Variants in TENM1 observed in about 807,000 individuals in gnomAD.
TENM1 encodes the protein teneurin transmembrane protein 1.
Under a neutral mutation model 174.8 loss-of-function variants are expected in TENM1, and 35 were observed. The observed-to-expected ratio is 0.20, with a 90% CI of 0.15 to 0.27. TENM1 has a LOEUF of 0.27. TENM1 is among the 10% of genes least tolerant of loss of function. The pLI is 1.00. For missense variants in TENM1, 1,633 were observed against 2,130.1 expected (o/e 0.77, Z 4.59); for synonymous variants, 781 against 798.7 (o/e 0.98, Z 0.37).
At chrX:124,952,428 T>C (rs757767010) in intron 1 of TENM1, among the ~76,000 whole-genome samples, 47 of 110,143 alleles carry the variant, frequency 4.3e-4, no homozygotes, top group Non-Finnish European at 6.5e-4. Context: ...ATATAAAACA[T>C]ACAATAAAAT....
chrX:125,191,407 A>G, the TENM1 span, among the ~76,000 whole-genome samples: 1 of 112,128 alleles, frequency 8.9e-6, no homozygotes, highest in Admixed American at 9.5e-5. Flanking sequence ...AAAAGTGGAT[A>G]AGATAAAAAT....
intron 3 of TENM1, among the ~76,000 whole-genome samples, chrX:124,764,339 AAAGGAATCTGAATAGGTAAGC>A (rs1408987957): frequency 9.0e-6 from 1 of 111,624 alleles, no homozygotes; most frequent in African/African-American, 3.3e-5. Flanking sequence ...CACTGAGGAG[AAAGGAATCTGAATAGGTAAGC>A]AAGGAAGCCA....
intron 21 of TENM1, among the ~76,000 whole-genome samples, chrX:124,484,874 C>T (rs763663182): frequency 4.5e-5 from 5 of 111,364 alleles, no homozygotes; most frequent in African/African-American, 1.3e-4. Flanking sequence ...TCTCCAACTA[C>T]ACTGTGAGCT....
the TENM1 span, among the ~76,000 whole-genome samples, chrX:125,119,047 T>C: frequency 9.0e-6 from 1 of 111,429 alleles, no homozygotes; most frequent in Admixed American, 9.6e-5. Context: ...CTCATCAGTG[T>C]ATGCACTTAA....
chrX:125,194,771 G>T, the TENM1 span, among the ~76,000 whole-genome samples: 1 of 111,562 alleles, frequency 9.0e-6, no homozygotes, highest in African/African-American at 3.3e-5. Context: ...GTCCTAGATT[G>T]GTATTCCCCA....
intron 6 of TENM1, among the ~76,000 whole-genome samples, chrX:124,662,188 C>T (rs1305747065): frequency 9.0e-6 from 1 of 111,096 alleles, no homozygotes; most frequent in Non-Finnish European, 1.9e-5. Flanking sequence ...CTCGCAGTGG[C>T]TCACGCCTGT....
At position 124,908,656 on chromosome X, in the gene TENM1, TTAAAG is replaced by T. The variant is rs753905121; in HGVS notation, c.218-12420_218-12416del. On this transcript the variant is annotated intron_variant, in intron 1 of 31. Transcript: ENST00000422452. ...ACATACGTGTGCATGTTCTCAGAAC[TTAAAG>T]TAAATTTTTTTAAAAAAGAAGATGC... Among the ~76,000 whole-genome samples the T allele has an allele frequency of 1.4e-4, 16 of 111,180 alleles. No individual in the cohort carries two copies. In the South Asian group the frequency reaches 2.7e-3, roughly 19 times the overall value.
At chrX:124,576,552 C>T (rs2843499) in intron 11 of TENM1, among the ~76,000 whole-genome samples, 26,886 of 111,277 alleles carry the variant, frequency 0.24, 2,428 homozygotes, top group South Asian at 0.4. Context: ...GCATGAAATG[C>T]ATGTCTTAGA....
rs777875488 is a variant in TENM1 at position 124,588,806 on chromosome X, T to G, written c.2078-23246A>C. ...GTTCCAGGAGCCTTTTGGCAGAGTC[T>G]TTAGGGTTTTCTAGGTATAGAATGA... On this transcript the variant is annotated intron_variant, in intron 11 of 31. Coordinates refer to ENST00000422452, the Ensembl canonical transcript of TENM1. 1.8e-4 allele frequency among the ~76,000 whole-genome samples: 20 copies of G among 112,080 alleles called. No individual in the cohort carries two copies. In the South Asian group the frequency reaches 3.4e-3, roughly 19 times the overall value.
At chrX:124,520,216 G>A (rs767853832) in intron 18 of TENM1, among the ~76,000 whole-genome samples, 2 of 111,450 alleles carry the variant, frequency 1.8e-5, no homozygotes, top group Non-Finnish European at 3.8e-5. Flanking sequence ...CTTATAGAAC[G>A]CCACACCAAA....
At chrX:124,658,179 T>C (rs2051496647) in intron 6 of TENM1, among the ~76,000 whole-genome samples, 1 of 111,643 alleles carries the variant, frequency 9.0e-6, no homozygotes, top group Middle Eastern at 4.6e-3. Context: ...ACTGTTTCCA[T>C]CTATGTAGCT....
chrX:124,561,693 T>A, exon 14 of TENM1: 4 of 1,210,992 alleles, frequency 3.3e-6, no homozygotes. Flanking sequence ...CCAAGTTATC[T>A]CCACAAAGCA....
At chrX:125,134,740 T>C in the TENM1 span, among the ~76,000 whole-genome samples, 1 of 112,345 alleles carries the variant, frequency 8.9e-6, no homozygotes, top group Non-Finnish European at 1.9e-5. Context: ...GTAATTCTCT[T>C]GGCACAGCAC....
intron 11 of TENM1, among the ~76,000 whole-genome samples, chrX:124,591,188 T>A (rs1217772998): frequency 8.9e-6 from 1 of 111,899 alleles, no homozygotes; most frequent in Non-Finnish European, 1.9e-5. Flanking sequence ...ATCCAACTTG[T>A]GACTCTGTGT....
intron 27 of TENM1, among the ~76,000 whole-genome samples, chrX:124,394,485 G>A (rs1000519774): frequency 2.6e-4 from 29 of 112,006 alleles, no homozygotes; most frequent in Non-Finnish European, 5.6e-5. Flanking sequence ...CTGGATGGCT[G>A]CAAAGCTAAT....
intron 23 of TENM1, among the ~76,000 whole-genome samples, chrX:124,441,386 A>T (rs1157812093): frequency 8.9e-6 from 1 of 112,727 alleles, no homozygotes; most frequent in African/African-American, 3.2e-5. Context: ...TTCAGTAGTC[A>T]TCACTTTCTG....
intron 28 of TENM1, 141 bp downstream of exon 31, chrX:124,391,911 T>A: frequency 1.9e-6 from 1 of 517,593 alleles, no homozygotes; most frequent in Non-Finnish European, 3.1e-6. Flanking sequence ...AAGTTCAACA[T>A]CTTTTTGTTA....
chrX:124,909,279 T>C (rs764534903), intron 1 of TENM1, among the ~76,000 whole-genome samples: 2 of 112,399 alleles, frequency 1.8e-5, no homozygotes, highest in African/African-American at 3.2e-5. Context: ...ACCATCCTAA[T>C]GACCTCATGC....
exon 3 of TENM1, chrX:124,894,306 C>T (rs750230264): frequency 2.5e-6 from 3 of 1,198,653 alleles, no homozygotes; most frequent in Admixed American, 4.5e-5. Flanking sequence ...CTTGAGTAGA[C>T]CCAGCTTGAG....
Sources: allele counts gnomAD v4.1 joint callset (sites outside exome capture counted in the v4.1 genomes callset), GRCh38; gene constraint gnomAD v4.1.1; transcripts MANE v1.5; gene names NCBI Gene and HGNC (gene_info 2026-07-23, HGNC 2026-07-21).